The following ZNF407 variants were observed in gnomAD, a reference collection of about 807,000 sequenced individuals.
ZNF407 encodes zinc finger protein 407.
In ZNF407, 17 loss-of-function variants were observed where a neutral mutation model predicts 131.2. That is an observed-to-expected ratio of 0.13 (90% CI 0.09 to 0.19). The LOEUF (loss-of-function observed/expected upper bound fraction) is 0.19, where lower values mean the gene tolerates loss of function less well. Ranked by LOEUF, ZNF407 falls within the 10% of genes least tolerant of loss-of-function variation. The probability of loss-of-function intolerance (pLI) is 1.00; values close to 1 mark genes in which losing one functional copy is unlikely to be tolerated. For missense variants in ZNF407, 2,681 were observed against 2,830.6 expected (o/e 0.95, Z 1.20); for synonymous variants, 1,156 against 1,062.0 (o/e 1.09, Z -1.72).
intron 2 of ZNF407, among the ~76,000 whole-genome samples, chr18:74,636,460 A>G (rs1171939942): frequency 3.3e-5 from 5 of 152,216 alleles, no homozygotes; most frequent in African/African-American, 1.2e-4. Context: ...GCTTTTCTAA[A>G]TCATTGTGCT....
intron 3 of ZNF407, among the ~76,000 whole-genome samples, chr18:74,681,936 G>A (rs1457274533): frequency 6.6e-6 from 1 of 152,112 alleles, no homozygotes. Context: ...TATAGTCCAA[G>A]GATATAGAAT....
chr18:74,973,385 A>G (rs139625982), intron 8 of ZNF407, among the ~76,000 whole-genome samples: 24 of 152,328 alleles, frequency 1.6e-4, no homozygotes, highest in Middle Eastern at 3.4e-3. Context: ...ACATATACAT[A>G]CTAAGTAGTC....
intron 3 of ZNF407, among the ~76,000 whole-genome samples, chr18:74,769,926 C>T (rs1969326773): frequency 6.6e-6 from 1 of 152,162 alleles, no homozygotes; most frequent in Non-Finnish European, 1.5e-5. Context: ...GAGAGAGACA[C>T]AGGACAGTTG....
intron 3 of ZNF407, among the ~76,000 whole-genome samples, chr18:74,778,941 A>G (rs868506024): frequency 6.6e-6 from 1 of 151,646 alleles, no homozygotes; most frequent in Non-Finnish European, 1.5e-5. Flanking sequence ...TATGTAGATT[A>G]TGTATATATA....
At chr18:74,777,707 C>A (rs1969501443) in intron 3 of ZNF407, among the ~76,000 whole-genome samples, 1 of 150,474 alleles carries the variant, frequency 6.6e-6, no homozygotes, top group South Asian at 2.1e-4. Flanking sequence ...CTGGATTATT[C>A]CAAGAGACTG....
At chr18:74,601,916 A>G (rs1349034702) in intron 1 of ZNF407, among the ~76,000 whole-genome samples, 1 of 152,234 alleles carries the variant, frequency 6.6e-6, no homozygotes, top group East Asian at 1.9e-4. Context: ...AGCAGAAAGG[A>G]AGTACAAAAC....
At chr18:74,947,184 G>C (rs1356779624) in intron 8 of ZNF407, among the ~76,000 whole-genome samples, 2 of 152,164 alleles carry the variant, frequency 1.3e-5, no homozygotes, top group East Asian at 3.9e-4. Flanking sequence ...CTTAGAAAAA[G>C]GACAAAAGCA....
intron 3 of ZNF407, among the ~76,000 whole-genome samples, chr18:74,741,472 C>G (rs1365285049): frequency 1.3e-5 from 2 of 151,930 alleles, no homozygotes; most frequent in Non-Finnish European, 2.9e-5. Flanking sequence ...GTTATTTGGA[C>G]TAGACTGTAA....
chr18:74,962,608 G>A (rs191599634), intron 8 of ZNF407, among the ~76,000 whole-genome samples: 248 of 152,246 alleles, frequency 1.6e-3, no homozygotes, highest in Non-Finnish European at 2.7e-3. Flanking sequence ...ACGGGTATAC[G>A]CCAAATATGC....
chr18:74,804,035 C>T, intron 4 of ZNF407: 1 of 1,551,708 alleles, frequency 6.4e-7, no homozygotes, highest in Non-Finnish European at 8.7e-7. Context: ...TCGAGTGCCT[C>T]TGAAGCCCAA....
intron 7 of ZNF407, among the ~76,000 whole-genome samples, chr18:74,914,411 A>C (rs997581935): frequency 3.9e-5 from 6 of 152,162 alleles, no homozygotes; most frequent in Admixed American, 3.3e-4. Flanking sequence ...GGAGCCATGC[A>C]GTGTGTGTTG....
rs778573566 is a variant in ZNF407, at chr18:75,048,468, C to G, written c.5429-14682C>G. On this transcript the variant is annotated intron_variant, in intron 8 of 8. Transcript: ENST00000299687. This position sits in a 1 kb window ranked among gnomAD's most constrained non-coding sequence, Gnocchi z 4.1. ...GGTTCTCAGCCTCCCACGCAGCACC[C>G]AGGTGACTTCAACCCTCAGGTGTTT... 3.3e-5 allele frequency among the ~76,000 whole-genome samples: 5 copies of G among 152,172 alleles called. No homozygotes were observed. Among genetic ancestry groups the G allele is most frequent in the Admixed American group, 1.3e-4 (2 of 15,282 alleles).
intron 3 of ZNF407, among the ~76,000 whole-genome samples, chr18:74,669,586 A>G (rs1386951751): frequency 6.6e-6 from 1 of 152,248 alleles, no homozygotes; most frequent in African/African-American, 2.4e-5. Context: ...ACTACTTGGA[A>G]GTTAGTTATT....
rs760543783 is a variant in ZNF407, at chr18:74,634,055, A to G, written c.3036A>G (p.Thr1012=). The change falls in exon 2 of 9, where the codon ACA becomes ACG. Residue 1012 remains threonine (T), a synonymous_variant. Coordinates refer to ENST00000299687, the MANE Select transcript of ZNF407 (RefSeq NM_017757.3). ...ATGTGTACTCCCAGAGAGATGTTAC[A>G]GGCACAGGTGAGAATAAGTGTTTGC... The part of the protein sequence containing the change: ...PGDVYSQRDV[T]GTGENKCLHC... The G allele has an allele frequency of 2.5e-6, 4 of 1,614,070 alleles. No individual in the cohort carries two copies. The highest frequency in any genetic ancestry group is 3.3e-5 in the Admixed American group (2 of 60,032).
chr18:74,694,318 C>T (rs765922687), intron 3 of ZNF407, among the ~76,000 whole-genome samples: 1 of 152,098 alleles, frequency 6.6e-6, no homozygotes, highest in Non-Finnish European at 1.5e-5. Flanking sequence ...CGAAGTACTT[C>T]AGGTGTGTGA....
Position 74,631,741 on chromosome 18 carries a change from A to G in ZNF407, c.722A>G (p.Gln241Arg). The G allele has an allele frequency of 6.2e-7, 1 of 1,614,050 alleles. No individual in the cohort carries two copies. The highest frequency in any genetic ancestry group is 2.2e-5 in the East Asian group (1 of 44,888). The change falls in exon 2 of 9, where the codon CAG becomes CGG. Residue 241 changes from glutamine to arginine, a missense_variant. Gln to Arg is a conservative substitution (Grantham distance 43, BLOSUM62 1). Transcript: ENST00000299687. ...HMHIKQAHGP[Q>R]KVFSCDLCGF... is the part of the protein sequence containing the mutation. ...CATATCAAACAAGCACATGGGCCAC[A>G]GAAGGTCTTTTCCTGTGATCTTTGT... is the stretch of plus-strand genomic sequence containing the variant.
intron 4 of ZNF407, among the ~76,000 whole-genome samples, chr18:74,861,173 A>C (rs548294409): frequency 6.6e-6 from 1 of 152,160 alleles, no homozygotes; most frequent in Admixed American, 6.5e-5. Context: ...CCAAAATTGC[A>C]CTTTAAGCTA....
chr18:74,651,620 G>A (rs1427053991), intron 3 of ZNF407, among the ~76,000 whole-genome samples: 1 of 152,102 alleles, frequency 6.6e-6, no homozygotes, highest in Non-Finnish European at 1.5e-5. Flanking sequence ...CATATTTGAT[G>A]GAGGAATAAA....
At chr18:74,601,855 C>T (rs1403127397) in intron 1 of ZNF407, among the ~76,000 whole-genome samples, 1 of 152,056 alleles carries the variant, frequency 6.6e-6, no homozygotes, top group African/African-American at 2.4e-5. Flanking sequence ...CAAACTGTTT[C>T]GAGGGGAATC....
Sources: gnomAD v4.1 joint callset for allele counts (sites outside exome capture counted in the v4.1 genomes callset) on GRCh38, gnomAD v4.1.1 for gene constraint, Gnocchi (gnomAD v3.1) non-coding constraint, MANE v1.5 for transcripts, NCBI Gene and HGNC (gene_info 2026-07-23, HGNC 2026-07-21) for gene names.